TCF12: variants seen among roughly 807,000 people sequenced by gnomAD.
TCF12 encodes the protein DNA-binding protein HTF4.
In TCF12, 45 loss-of-function variants were observed where a neutral mutation model predicts 86.0. That is an observed-to-expected ratio of 0.52 (90% confidence interval 0.41 to 0.67). The LOEUF (loss-of-function observed/expected upper bound fraction) is 0.67. Ranked by LOEUF, TCF12 falls within the 30% of genes least tolerant of loss-of-function variation. TCF12 has a pLI of 0.00. For synonymous variants in TCF12, 330 were observed against 299.6 expected, an observed-to-expected ratio of 1.10 and a Z score of -1.05; for missense variants, 881 against 859.9, an observed-to-expected ratio of 1.02 and a Z score of -0.31.
At chr15:57,036,770 C>G (rs1213772883) in intron 3 of TCF12, among the ~76,000 whole-genome samples, 1 of 152,036 alleles carries the variant, frequency 6.6e-6, no homozygotes, top group Non-Finnish European at 1.5e-5. Flanking sequence ...TCTGTAGATT[C>G]TTTTAGGTTT....
At chr15:56,925,600 T>A (rs2059977835) in intron 3 of TCF12, among the ~76,000 whole-genome samples, 1 of 152,216 alleles carries the variant, frequency 6.6e-6, no homozygotes. Flanking sequence ...AGTCTTTTCC[T>A]GGAATGTCAT....
intron 3 of TCF12, among the ~76,000 whole-genome samples, chr15:56,997,174 G>A (rs377579404): frequency 6.6e-5 from 10 of 152,162 alleles, no homozygotes; most frequent in South Asian, 2.1e-4. Flanking sequence ...ACATATACCC[G>A]TATGTCCATT....
At chr15:57,035,007 G>A (rs1463605739) in intron 3 of TCF12, among the ~76,000 whole-genome samples, 1 of 152,108 alleles carries the variant, frequency 6.6e-6, no homozygotes, top group East Asian at 1.9e-4. Flanking sequence ...TCCTCAACAT[G>A]TAAGTTTCCA....
At chr15:57,126,085 A>T (rs1373058156) in intron 5 of TCF12, among the ~76,000 whole-genome samples, 1 of 152,046 alleles carries the variant, frequency 6.6e-6, no homozygotes, top group African/African-American at 2.4e-5. Context: ...AACAACAACA[A>T]CAAAGAAATG....
intron 5 of TCF12, among the ~76,000 whole-genome samples, chr15:57,133,792 C>G (rs1270078755): frequency 1.3e-5 from 2 of 152,166 alleles, no homozygotes; most frequent in African/African-American, 2.4e-5. Context: ...CCATCAGGTT[C>G]CTACTCCTTC....
At chr15:56,984,680 G>C (rs960547599) in intron 3 of TCF12, among the ~76,000 whole-genome samples, 1 of 152,154 alleles carries the variant, frequency 6.6e-6, no homozygotes, top group Non-Finnish European at 1.5e-5. Context: ...TACCTTGCCT[G>C]TTAAAAAATG....
rs567003805 is a variant in TCF12 at position 57,211,213 on chromosome 15, C to T, written c.579+13388C>T. On this transcript the variant is annotated intron_variant, in intron 8 of 20. Transcript: ENST00000333725. The stretch of plus-strand genomic sequence containing the variant: ...AAGTTAGGTAAGAGTTGTTATCTAT[C>T]GGTAGGATGTCACTGCTTTTCTTTA... 1.4e-4 allele frequency among the ~76,000 whole-genome samples: 22 copies of T among 152,248 alleles called. No individual in the cohort carries two copies. The East Asian group carries it at 3.9e-3, about 27-fold the overall frequency.
At chr15:56,961,182 A>G (rs1401267455) in intron 3 of TCF12, among the ~76,000 whole-genome samples, 2 of 152,236 alleles carry the variant, frequency 1.3e-5, no homozygotes, top group Middle Eastern at 3.4e-3. Flanking sequence ...TATGCTAGCT[A>G]GACACTGTGC....
intron 5 of TCF12, among the ~76,000 whole-genome samples, chr15:57,161,722 T>C (rs538641273): frequency 2.0e-5 from 3 of 152,220 alleles, no homozygotes; most frequent in Non-Finnish European, 4.4e-5. Flanking sequence ...TGGCCTTCCA[T>C]TTTGAATACG....
In TCF12 at chr15:57,020,326, G is replaced by A. The variant is rs75407325; in HGVS notation, c.149-43424G>A. Among the ~76,000 whole-genome samples the A allele has an allele frequency of 3.8e-3, 584 of 152,274 alleles. 2 individuals are homozygous for A. Among genetic ancestry groups the A allele is most frequent in the African/African-American group, 0.013 (542 of 41,546 alleles). On this transcript the variant is annotated intron_variant, in intron 3 of 20. Transcript: ENST00000333725. ...TCATCTTGAGGTCTTCTTGCAGAGC[G>A]TTCAGTACAGTGTAATCCCTGTGTT...
intron 5 of TCF12, among the ~76,000 whole-genome samples, chr15:57,145,252 A>G (rs971979841): frequency 5.3e-5 from 8 of 152,192 alleles, no homozygotes; most frequent in African/African-American, 1.2e-4. Context: ...ATTAATGAGT[A>G]TTGGTAATGT....
At chr15:56,955,138 C>T (rs759035503) in intron 3 of TCF12, among the ~76,000 whole-genome samples, 9 of 152,136 alleles carry the variant, frequency 5.9e-5, no homozygotes, top group Admixed American at 1.3e-4. Context: ...ATAGCACATA[C>T]TTGGAAGCAA....
chr15:57,044,415 G>C (rs1027150888), intron 3 of TCF12, among the ~76,000 whole-genome samples: 1 of 152,012 alleles, frequency 6.6e-6, no homozygotes, highest in South Asian at 2.1e-4. Context: ...AAATTTACCT[G>C]TGGATTCTTT....
At chr15:56,969,535 ATTTTTTTT>A (rs67565542) in intron 3 of TCF12, among the ~76,000 whole-genome samples, 11 of 130,000 alleles carry the variant, frequency 8.5e-5, no homozygotes, top group Admixed American at 1.6e-4. Context: ...CCAGTTGGAG[ATTTTTTTT>A]TTTTTTTTTT....
chr15:57,046,465 T>TG (rs1467564929), intron 3 of TCF12, among the ~76,000 whole-genome samples: 1 of 152,126 alleles, frequency 6.6e-6, no homozygotes, highest in African/African-American at 2.4e-5. Flanking sequence ...GTTTTTGAGA[T>TG]GGAGTCTCAC....
chr15:57,093,580 A>G (rs927867003), intron 5 of TCF12, among the ~76,000 whole-genome samples: 9 of 152,206 alleles, frequency 5.9e-5, no homozygotes, highest in African/African-American at 1.9e-4. Flanking sequence ...AAGTGTGGAA[A>G]TTAAATGAAT....
chr15:57,136,912 A>G (rs2052561664), intron 5 of TCF12, among the ~76,000 whole-genome samples: 2 of 143,404 alleles, frequency 1.4e-5, no homozygotes, highest in East Asian at 2.2e-4. Flanking sequence ...TGTCCTCCCA[A>G]TATGCTGGAA....
At chr15:57,281,601 C>T (rs1436855599) in intron 19 of TCF12, 1 of 152,246 alleles carries the variant, frequency 6.6e-6, no homozygotes, top group Non-Finnish European at 1.5e-5. Flanking sequence ...CACATCCTGT[C>T]AGATCAGCGG....
Position 57,253,271 on chromosome 15 carries a change from A to G in TCF12, c.1270A>G (p.Met424Val), listed in dbSNP as rs796508804. 1.9e-6 allele frequency: 3 copies of G among 1,613,960 alleles called. No individual in the cohort carries two copies. The highest frequency in any genetic ancestry group is 2.2e-5 in the South Asian group (2 of 91,078). ...TTTTTAATCCATACAGCAGTCTCGA[A>G]TGGAGGATCGTTTAGACAGACTGGA... Reference protein sequence around the residue: ...FLKDVCEQSRMEDRLDRLDDA... With the variant: ...FLKDVCEQSRVEDRLDRLDDA... The change falls in exon 16 of 21, where the codon ATG becomes GTG. Residue 424 changes from methionine (M) to valine (V), a missense_variant. Coordinates refer to ENST00000333725, the MANE Select transcript of TCF12 (RefSeq NM_207037.2).
Sources: gnomAD v4.1 joint callset for allele counts (sites outside exome capture counted in the v4.1 genomes callset) on GRCh38, gnomAD v4.1.1 for gene constraint, MANE v1.5 for transcripts, NCBI Gene and HGNC (gene_info 2026-07-23, HGNC 2026-07-21) for gene names.